The following TFRC variants were observed in gnomAD, a reference collection of about 807,000 sequenced individuals.
TFRC encodes transferrin receptor.
In TFRC, 35 loss-of-function variants were observed where a neutral mutation model predicts 85.8. The observed-to-expected ratio is 0.41, with a 90% CI of 0.31 to 0.54. The LOEUF is 0.54. Ranked by LOEUF, TFRC falls within the 20% of genes least tolerant of loss-of-function variation. The probability of loss-of-function intolerance (pLI) is 0.31; values close to 1 mark genes in which losing one functional copy is unlikely to be tolerated. For missense variants in TFRC, 828 were observed against 921.5 expected, an observed-to-expected ratio of 0.90 and a Z score of 1.31; for synonymous variants, 362 against 328.6, an observed-to-expected ratio of 1.10 and a Z score of -1.10.
rs925017138 is a variant in TFRC, at chr3:196,055,140, C to A, written c.1839G>T (p.Arg613Ser). ...HDVELNLDYE[R>S]YNSQLLSFVR... is the part of the protein sequence containing the mutation. Reference sequence around the variant, plus strand: ...CAAATGAAAGCAGTTGGCTGTTGTACCTCTCATAGTCCAGGTTCAATTCAA... The same window carrying A: ...CAAATGAAAGCAGTTGGCTGTTGTAACTCTCATAGTCCAGGTTCAATTCAA... The change falls in exon 17 of 19, where the codon AGG (arginine) becomes AGT (serine). Residue 613 changes from arginine (R) to serine (S), a missense_variant. By Grantham distance (110) the Arg-to-Ser change is moderately radical (BLOSUM62 -1). Coordinates refer to ENST00000360110, the MANE Select transcript of TFRC (RefSeq NM_001128148.3). 3.1e-6 allele frequency: 5 copies of A among 1,614,052 alleles called. No homozygotes were observed. The highest frequency in any genetic ancestry group is 4.2e-6 in the Non-Finnish European group (5 of 1,180,052).
At chr3:196,066,960 C>G (rs1717787451) in intron 9 of TFRC, among the ~76,000 whole-genome samples, 1 of 152,170 alleles carries the variant, frequency 6.6e-6, no homozygotes. Flanking sequence ...GCTACGTACT[C>G]TAATGGAACT....
chr3:196,070,825 T>C (rs542239404), intron 6 of TFRC, among the ~76,000 whole-genome samples: 18 of 121,810 alleles, frequency 1.5e-4, no homozygotes, highest in Non-Finnish European at 2.9e-4. Flanking sequence ...AAAATAAAAA[T>C]TAACTGGACA....
At chr3:196,062,704 G>C in intron 12 of TFRC, 59 bp from the exon 13 acceptor site, 3 of 1,558,708 alleles carry the variant, frequency 1.9e-6, no homozygotes, top group Non-Finnish European at 2.6e-6. Flanking sequence ...ACATACAGTA[G>C]CATTAGGGAT....
chr3:196,058,409 T>A, intron 15 of TFRC, 44 bp from the exon 16 acceptor site: 1 of 1,575,752 alleles, frequency 6.3e-7, no homozygotes, highest in South Asian at 1.1e-5. Context: ...TTTTAAAGAA[T>A]AGACTGTTCT....
chr3:196,064,951 T>C (rs772016149), intron 10 of TFRC, among the ~76,000 whole-genome samples: 1 of 152,168 alleles, frequency 6.6e-6, no homozygotes, highest in African/African-American at 2.4e-5. Flanking sequence ...AGGGCCTTAT[T>C]ACCTCCCAAT....
Position 196,071,500 on chromosome 3 carries a change from T to C in TFRC, c.585-2A>G. 1 of 1,613,826 alleles carries C rather than the reference T, an allele frequency of 6.2e-7. No homozygotes were observed. The highest frequency in any genetic ancestry group is 8.5e-7 in the Non-Finnish European group (1 of 1,179,750). On this transcript the variant is annotated splice_acceptor_variant, in intron 5 of 18. Coordinates refer to ENST00000360110, the MANE Select transcript of TFRC (RefSeq NM_001128148.3). LOFTEE classifies it high-confidence loss of function. ...ACTATGATCACCGAGTTTTGAGCGC[T>C]GTTAAAAAGATTAAGTTAAAATAAG...
At position 196,054,255 on chromosome 3, in the gene TFRC, A is replaced by G. The variant is rs774530399; in HGVS notation, c.1900-697T>C. Among the ~76,000 whole-genome samples, 8 of 152,068 alleles carry G rather than the reference A, an allele frequency of 5.3e-5. No individual in the cohort carries two copies. In the South Asian group the frequency reaches 1.5e-3, roughly 28 times the overall value. ...CCCGGCTTCTACTAAAAACACAAAAACTATCTGGGCATGGTGGCACACGCC... is the reference window on the plus strand; with the variant it reads ...CCCGGCTTCTACTAAAAACACAAAAGCTATCTGGGCATGGTGGCACACGCC... On this transcript the variant is annotated intron_variant, in intron 17 of 18. Transcript: ENST00000360110.
At position 196,071,421 on chromosome 3, in the gene TFRC, G is replaced by A. The variant is rs754768415; in HGVS notation, c.662C>T (p.Ala221Val). 8 of 1,613,764 alleles carry A rather than the reference G, an allele frequency of 5.0e-6. No individual in the cohort carries two copies. The South Asian group carries it at 7.7e-5, about 16-fold the overall frequency. ...YLVENPGGYV[A>V]YSKAATVTGK... Reference sequence around the variant, plus strand: ...AGTAACTGTTGCAGCCTTACTATACGCCACATAACCCCCAGGATTCTCCAC... The same window carrying A: ...AGTAACTGTTGCAGCCTTACTATACACCACATAACCCCCAGGATTCTCCAC... Residue 221 changes from alanine (A) to valine (V), a missense_variant, in exon 6 of 19, where the codon GCG becomes GTG. By Grantham distance (64) the Ala-to-Val change is moderately conservative. Transcript: ENST00000360110.
intron 13 of TFRC, 71 bp from the exon 14 acceptor site, chr3:196,060,318 A>G (rs954252359): frequency 2.7e-5 from 35 of 1,277,626 alleles, no homozygotes; most frequent in Middle Eastern, 1.8e-4. Context: ...TTCTACAACT[A>G]TAAGTACTTG....
At chr3:196,074,956 G>T (rs1434352811) in intron 3 of TFRC, among the ~76,000 whole-genome samples, 2 of 144,240 alleles carry the variant, frequency 1.4e-5, no homozygotes, top group Admixed American at 1.5e-4. Context: ...CTAAGGCAGA[G>T]AATCGCTTAA....
At chr3:196,075,074 C>CA in intron 3 of TFRC, 85 bp downstream of exon 3, 1 of 734,062 alleles carries the variant, frequency 1.4e-6, no homozygotes, top group Non-Finnish European at 2.1e-6. Context: ...AAATAAGGTA[C>CA]AAAATAACTA....
intron 3 of TFRC, 80 bp downstream of exon 3, chr3:196,075,079 T>TAAA: frequency 1.3e-6 from 1 of 748,390 alleles, no homozygotes; most frequent in Non-Finnish European, 2.1e-6. Context: ...AGGTACAAAA[T>TAAA]AACTATATGC....
intron 4 of TFRC, among the ~76,000 whole-genome samples, chr3:196,073,050 A>AC (rs1553798524): frequency 3.8e-4 from 47 of 124,216 alleles, no homozygotes; most frequent in Admixed American, 1.2e-3. Flanking sequence ...AAAAAAAAAA[A>AC]AAAAAAAAAA....
intron 4 of TFRC, among the ~76,000 whole-genome samples, chr3:196,073,052 A>ACAAACAAAC (rs1560087223): frequency 3.4e-5 from 5 of 148,310 alleles, no homozygotes; most frequent in Non-Finnish European, 6.0e-5. Context: ...AAAAAAAAAA[A>ACAAACAAAC]AAAAAAAACC....
rs1424279112 is a variant in TFRC, at chr3:196,049,729, C to A, written c.*2213G>T. On this transcript the variant is annotated 3_prime_UTR_variant, in exon 19 of 19. Coordinates refer to ENST00000360110, the MANE Select transcript of TFRC (RefSeq NM_001128148.3). ...CTTTCATTTAAGTACGTGTGCGTAACACCCGAACCAGGAATCTCAGCTATG... is the reference window on the plus strand; with the variant it reads ...CTTTCATTTAAGTACGTGTGCGTAAAACCCGAACCAGGAATCTCAGCTATG... 4.3e-6 allele frequency: 1 copy of A among 230,160 alleles called. No homozygotes were observed. The highest frequency in any genetic ancestry group is 2.2e-5 in the African/African-American group (1 of 45,290). 14.3% of individuals were successfully genotyped at this position (230,160 alleles called of 1,614,324 possible). A position where few individuals can be genotyped will look rare whatever the true frequency, so the allele number is the denominator to read the frequency against.
chr3:196,076,260 G>C (rs1020052924), intron 2 of TFRC, among the ~76,000 whole-genome samples: 3 of 151,884 alleles, frequency 2.0e-5, no homozygotes, highest in African/African-American at 7.3e-5. Flanking sequence ...TGTTTTTTTT[G>C]TATGTTCTTT....
intron 2 of TFRC, among the ~76,000 whole-genome samples, chr3:196,075,972 CA>C (rs11373736): frequency 2.2e-3 from 293 of 135,216 alleles, no homozygotes; most frequent in South Asian, 8.0e-3. Flanking sequence ...ACTAAAAATT[CA>C]AAAAAAAAAA....
intron 13 of TFRC, among the ~76,000 whole-genome samples, chr3:196,061,777 C>T (rs35010724): frequency 6.6e-6 from 1 of 152,208 alleles, no homozygotes; most frequent in African/African-American, 2.4e-5. Flanking sequence ...GCGTGCACCA[C>T]TGCGCCCAGC....
At chr3:196,065,015 T>A (rs548555959) in intron 10 of TFRC, among the ~76,000 whole-genome samples, 1 of 152,166 alleles carries the variant, frequency 6.6e-6, no homozygotes, top group East Asian at 1.9e-4. Flanking sequence ...CCCAGCACTT[T>A]GGGAGGCTGA....
Sources: gnomAD v4.1 joint callset for allele counts (sites outside exome capture counted in the v4.1 genomes callset) on GRCh38, gnomAD v4.1.1 for gene constraint, MANE v1.5 for transcripts, NCBI Gene and HGNC (gene_info 2026-07-23, HGNC 2026-07-21) for gene names.